Variants in SAMMSON observed in about 807,000 individuals in gnomAD.
SAMMSON encodes survival associated mitochondrial melanoma specific oncogenic non-coding RNA, also known as long intergenic non-protein coding RNA 1212.
chr3:70,280,434 T>C lies in SAMMSON; in HGVS notation n.675-10745T>C, dbSNP rs190128415. Among the ~76,000 whole-genome samples, 355 of 152,228 alleles carry C rather than the reference T, an allele frequency of 2.3e-3. 2 individuals carry two copies. The highest frequency in any genetic ancestry group is 4.0e-3 in the Non-Finnish European group (270 of 68,010). Reference sequence around the variant, plus strand: ...ACTACATTTACCTTGTTTCTTACCCTTACCACCCTAGGCATGTAACTCTCA... The same window carrying C: ...ACTACATTTACCTTGTTTCTTACCCCTACCACCCTAGGCATGTAACTCTCA... On this transcript the variant is annotated intron_variant and non_coding_transcript_variant, in intron 6 of 9. Coordinates refer to ENST00000642114, the Ensembl canonical transcript of SAMMSON.
chr3:70,038,174 G>A (rs938248628), intron 3 of SAMMSON, among the ~76,000 whole-genome samples: 2 of 152,262 alleles, frequency 1.3e-5, no homozygotes, highest in African/African-American at 2.4e-5. Context: ...CCCCAATGTG[G>A]CAGTGTTGTG....
intron 4 of SAMMSON, among the ~76,000 whole-genome samples, chr3:70,113,488 C>G (rs1023477543): frequency 1.3e-5 from 2 of 152,116 alleles, no homozygotes; most frequent in Non-Finnish European, 2.9e-5. Context: ...AATCTCACTA[C>G]GTATTTGTCT....
intron 6 of SAMMSON, among the ~76,000 whole-genome samples, chr3:70,254,213 C>G (rs538085331): frequency 6.6e-5 from 10 of 152,202 alleles, no homozygotes; most frequent in Non-Finnish European, 1.3e-4. Flanking sequence ...ATGATTTTAA[C>G]AGCTGTGAAG....
chr3:70,144,208 AAT>A (rs2067539172), intron 4 of SAMMSON, among the ~76,000 whole-genome samples: 1 of 152,096 alleles, frequency 6.6e-6, no homozygotes, highest in African/African-American at 2.4e-5. Context: ...ATTATTTATT[AAT>A]AAGGCCATTC....
chr3:70,228,812 A>G (rs1701532493), intron 4 of SAMMSON, among the ~76,000 whole-genome samples: 1 of 151,764 alleles, frequency 6.6e-6, no homozygotes, highest in Non-Finnish European at 1.5e-5. Context: ...TAAGATGGAT[A>G]GCTGGGTTAT....
intron 4 of SAMMSON, among the ~76,000 whole-genome samples, chr3:70,118,180 C>T (rs2067419190): frequency 6.6e-6 from 1 of 152,120 alleles, no homozygotes; most frequent in African/African-American, 2.4e-5. Flanking sequence ...CCTCAGCCTC[C>T]CAAAGTGCTG....
At chr3:70,011,893 C>A (rs765855941) in intron 1 of SAMMSON, among the ~76,000 whole-genome samples, 1 of 152,036 alleles carries the variant, frequency 6.6e-6, no homozygotes, top group Non-Finnish European at 1.5e-5. Flanking sequence ...AAAGAGAGAA[C>A]TGTGGAAACT....
At chr3:70,278,394 G>C (rs1334467275) in intron 6 of SAMMSON, among the ~76,000 whole-genome samples, 1 of 152,004 alleles carries the variant, frequency 6.6e-6, no homozygotes, top group Non-Finnish European at 1.5e-5. Context: ...AACATTTTTT[G>C]GTTGACATAA....
At chr3:70,036,324 G>A (rs988860413) in intron 3 of SAMMSON, among the ~76,000 whole-genome samples, 4 of 152,060 alleles carry the variant, frequency 2.6e-5, no homozygotes, top group Admixed American at 1.3e-4. Context: ...ATTTCTTGGC[G>A]ACCCAACATC....
intron 2 of SAMMSON, among the ~76,000 whole-genome samples, chr3:70,425,637 T>TGGG (rs1701358797): frequency 6.6e-6 from 1 of 151,816 alleles, no homozygotes. Context: ...ATGGTCTCGA[T>TGGG]CTACTGACCT....
intron 2 of SAMMSON, among the ~76,000 whole-genome samples, chr3:70,431,558 C>A (rs1701412665): frequency 6.6e-6 from 1 of 152,056 alleles, no homozygotes; most frequent in Admixed American, 6.6e-5. Flanking sequence ...CAGTAGAGTA[C>A]ATTTGAATTT....
At chr3:70,076,701 A>C (rs1471495388) in intron 4 of SAMMSON, among the ~76,000 whole-genome samples, 1 of 152,138 alleles carries the variant, frequency 6.6e-6, no homozygotes, top group Non-Finnish European at 1.5e-5. Context: ...ATTGAGGTTG[A>C]ATATATTAAC....
chr3:70,104,631 C>G (rs1183596167), intron 4 of SAMMSON, among the ~76,000 whole-genome samples: 1 of 152,104 alleles, frequency 6.6e-6, no homozygotes, highest in Non-Finnish European at 1.5e-5. Context: ...GTGCCAGGAG[C>G]TTAAAACTAT....
chr3:70,247,476 T>A (rs2106647555), intron 4 of SAMMSON, among the ~76,000 whole-genome samples: 1 of 151,870 alleles, frequency 6.6e-6, no homozygotes, highest in South Asian at 2.1e-4. Context: ...TAATATATAT[T>A]ATCTATTATA....
chr3:70,007,934 T>C (rs2066935470), intron 1 of SAMMSON, among the ~76,000 whole-genome samples: 1 of 152,096 alleles, frequency 6.6e-6, no homozygotes, highest in South Asian at 2.1e-4. Context: ...TTTTGTCAGG[T>C]TGTCAAAGAT....
chr3:70,236,256 A>G (rs1191462018), intron 4 of SAMMSON, among the ~76,000 whole-genome samples: 1 of 152,216 alleles, frequency 6.6e-6, no homozygotes, highest in African/African-American at 2.4e-5. Flanking sequence ...ACTTCCCAAA[A>G]TAACTTTTCC....
intron 3 of SAMMSON, among the ~76,000 whole-genome samples, chr3:70,018,527 A>T (rs2066997123): frequency 6.6e-6 from 1 of 152,006 alleles, no homozygotes; most frequent in African/African-American, 2.4e-5. Flanking sequence ...TTTTCAAAAA[A>T]CCAGCTCCTG....
chr3:70,432,294 T>C (rs1037238731), intron 2 of SAMMSON, among the ~76,000 whole-genome samples: 9 of 151,852 alleles, frequency 5.9e-5, no homozygotes, highest in Non-Finnish European at 8.8e-5. Context: ...ATCTCTTCTT[T>C]TGTGAGGTAT....
At chr3:70,288,067 G>C (rs1452061107) in intron 6 of SAMMSON, among the ~76,000 whole-genome samples, 1 of 149,262 alleles carries the variant, frequency 6.7e-6, no homozygotes. Context: ...CTTCAGTTCT[G>C]CTCTGATTTT....
Sources: allele counts gnomAD v4.1 joint callset (sites outside exome capture counted in the v4.1 genomes callset), GRCh38; gene constraint gnomAD v4.1.1; transcripts MANE v1.5; gene names NCBI Gene and HGNC (gene_info 2026-07-23, HGNC 2026-07-21).